Variants in FRMPD2 observed in about 807,000 individuals in gnomAD.
FRMPD2 encodes FERM and PDZ domain containing 2.
FRMPD2 carries 96 observed loss-of-function variants against 140.1 expected under a neutral mutation model. The observed-to-expected ratio is 0.69, with a 90% CI of 0.58 to 0.81. FRMPD2 has a LOEUF of 0.81. Among genes scored for constraint, FRMPD2 ranks in the 40% least tolerant of loss-of-function variants. The probability of loss-of-function intolerance (pLI) is 0.00; values close to 1 mark genes in which losing one functional copy is unlikely to be tolerated. For missense variants in FRMPD2, 1,240 were observed against 1,447.4 expected (o/e 0.86, Z 2.32); for synonymous variants, 449 against 547.6 (o/e 0.82, Z 2.52).
rs1840315955 is a variant in FRMPD2, at chr10:48,249,017, T to G, written c.309+4A>C. ...AGAAGTTGCAGAGTAGCTGCACAGC[T>G]TACCTGAGATGCATCAGGCTGCTCA... On this transcript the variant is annotated splice_donor_region_variant and intron_variant, in intron 3 of 28. Transcript: ENST00000374201. 1 of 1,607,354 alleles carries G rather than the reference T, an allele frequency of 6.2e-7. No homozygotes were observed. The highest frequency in any genetic ancestry group is 8.5e-7 in the Non-Finnish European group (1 of 1,176,326).
At position 48,223,277 on chromosome 10, in the gene FRMPD2, T is replaced by G; in HGVS notation, c.1169-7A>C. On this transcript the variant is annotated splice_region_variant and splice_polypyrimidine_tract_variant and intron_variant, in intron 10 of 28. Transcript: ENST00000374201. Reference sequence around the variant, plus strand: ...AGGAAAAAGAACTCTTTGCCTGAAATGGAAATAGAGCATGTGTGGAAGGAG... The same window carrying G: ...AGGAAAAAGAACTCTTTGCCTGAAAGGGAAATAGAGCATGTGTGGAAGGAG... 6.2e-7 allele frequency: 1 copy of G among 1,610,570 alleles called. No individual in the cohort carries two copies. Among genetic ancestry groups the G allele is most frequent in the South Asian group, 1.1e-5 (1 of 90,692 alleles).
Position 48,206,756 on chromosome 10 carries a change from A to T in FRMPD2, c.1789T>A (p.Ser597Thr). 6.2e-7 allele frequency: 1 copy of T among 1,613,774 alleles called. No individual in the cohort carries two copies. Among genetic ancestry groups the T allele is most frequent in the Non-Finnish European group, 8.5e-7 (1 of 1,179,686 alleles). ...AACTGAGCTACACTCACATAAGTAGAAATCTTCCCGGTTTCTCTCCACTGA... is the reference window on the plus strand; with the variant it reads ...AACTGAGCTACACTCACATAAGTAGTAATCTTCCCGGTTTCTCTCCACTGA... The part of the protein sequence containing the change: ...RFQWRETGKI[S>T]TYQKKFTITS... Residue 597 changes from serine (S) to threonine (T), a missense_variant, in exon 14 of 29, where the codon TCT becomes ACT. Transcript: ENST00000374201.
chr10:48,181,679 T>A (rs1009300806), intron 20 of FRMPD2, among the ~76,000 whole-genome samples: 2 of 151,862 alleles, frequency 1.3e-5, no homozygotes, highest in Non-Finnish European at 2.9e-5. Flanking sequence ...AGAAAAACCT[T>A]GGGCAAGGTG....
chr10:48,180,174 C>A (rs1446611872), intron 21 of FRMPD2, among the ~76,000 whole-genome samples: 1 of 152,152 alleles, frequency 6.6e-6, no homozygotes, highest in Non-Finnish European at 1.5e-5. Flanking sequence ...TTCGACTGGG[C>A]AGAACCAAGC....
intron 18 of FRMPD2, 149 bp downstream of exon 18, chr10:48,185,404 A>G (rs900305125): frequency 1.6e-6 from 1 of 620,186 alleles, no homozygotes; most frequent in Non-Finnish European, 2.9e-6. Flanking sequence ...TTAAAGGGAG[A>G]AAAAAAACAG....
At chr10:48,249,390 C>T (rs930434345) in intron 2 of FRMPD2, among the ~76,000 whole-genome samples, 7 of 152,256 alleles carry the variant, frequency 4.6e-5, no homozygotes, top group Admixed American at 3.9e-4. Flanking sequence ...GAAGTTAGCA[C>T]CTGCACCTAA....
rs758390268 is a variant in FRMPD2, at chr10:48,192,796, C to G, written c.2053G>C (p.Glu685Gln). Reference sequence around the variant, plus strand: ...CCCTGAAGCCTGGATACAAACAACTCGTTTTCTGAGCATGACAATCTCTGA... The same window carrying G: ...CCCTGAAGCCTGGATACAAACAACTGGTTTTCTGAGCATGACAATCTCTGA... Reference protein sequence around the residue: ...WIQRLSCSENELFVSRLQGAA... With the variant: ...WIQRLSCSENQLFVSRLQGAA... Residue 685 changes from glutamate to glutamine, a missense_variant, in exon 16 of 29, where the codon GAG (glutamate) becomes CAG (glutamine). This residue lies in a region of FRMPD2 where 1,161 missense variants were observed against 1,055.9 expected (regional missense o/e 1.10). Coordinates refer to ENST00000374201, the MANE Select transcript of FRMPD2 (RefSeq NM_001018071.4). The G allele has an allele frequency of 6.2e-7, 1 of 1,614,054 alleles. No homozygotes were observed. Among genetic ancestry groups the G allele is most frequent in the East Asian group, 2.2e-5 (1 of 44,876 alleles).
At position 48,260,146 on chromosome 10, in the gene FRMPD2, AATAGATAGATAGATTG is replaced by A. The variant is rs1840557359; in HGVS notation, c.26-8471_26-8456del. On this transcript the variant is annotated intron_variant, in intron 1 of 28. Transcript: ENST00000374201. The stretch of plus-strand genomic sequence containing the variant: ...AACATTTAAGGTAATAATGGCTAAG[AATAGATAGATAGATTG>A]ATAGATAGATAGATCTATATATATA... Among the ~76,000 whole-genome samples, 4 of 152,214 alleles carry A rather than the reference AATAGATAGATAGATTG, an allele frequency of 2.6e-5. No homozygotes were observed. The South Asian group carries it at 6.2e-4, about 24-fold the overall frequency.
intron 14 of FRMPD2, among the ~76,000 whole-genome samples, chr10:48,206,268 G>T (rs779804659): frequency 6.6e-6 from 1 of 152,152 alleles, no homozygotes; most frequent in Non-Finnish European, 1.5e-5. Context: ...GTGTCCCGTA[G>T]CACACCTGTA....
chr10:48,175,347 G>C (rs1380492431), intron 23 of FRMPD2, among the ~76,000 whole-genome samples: 2 of 151,988 alleles, frequency 1.3e-5, no homozygotes, highest in Non-Finnish European at 2.9e-5. Flanking sequence ...GTTGACGCTG[G>C]GGACACCAGA....
chr10:48,163,233 A>G (rs1451791657), intron 28 of FRMPD2, 95 bp downstream of exon 28: 16 of 732,072 alleles, frequency 2.2e-5, no homozygotes, highest in Non-Finnish European at 4.0e-5. Context: ...TGGGCACAAA[A>G]TCATCCAAGC....
At chr10:48,209,758 T>C (rs748367930) in intron 13 of FRMPD2, among the ~76,000 whole-genome samples, 1 of 152,240 alleles carries the variant, frequency 6.6e-6, no homozygotes, top group Non-Finnish European at 1.5e-5. Flanking sequence ...ATTCCACTTA[T>C]GAGATTCTAT....
intron 8 of FRMPD2, 43 bp downstream of exon 8, chr10:48,237,948 T>A: frequency 6.2e-7 from 1 of 1,613,280 alleles, no homozygotes; most frequent in African/African-American, 1.3e-5. Flanking sequence ...AGCTCCCTGC[T>A]CAAGCCTCCT....
At chr10:48,268,538 G>A (rs1263512682) in intron 1 of FRMPD2, among the ~76,000 whole-genome samples, 1 of 152,216 alleles carries the variant, frequency 6.6e-6, no homozygotes, top group Non-Finnish European at 1.5e-5. Flanking sequence ...TAAACAAATT[G>A]TGGTATATTC....
Position 48,184,994 on chromosome 10 carries a change from G to A in FRMPD2, c.2360-113C>T, listed in dbSNP as rs993220017. The A allele has an allele frequency of 3.9e-5, 27 of 690,752 alleles. No homozygotes were observed. The East Asian group carries it at 7.1e-4, about 18-fold the overall frequency. The allele number at this position is 690,752 out of a possible 1,614,324, so 42.8% of individuals were successfully genotyped here. The stretch of plus-strand genomic sequence containing the variant: ...AGCTACCAAGTGGCATTAGCTGATA[G>A]TTACAGTCAGGTCTTCTGATCCTCA... On this transcript the variant is annotated intron_variant, in intron 18 of 28. Transcript: ENST00000374201.
intron 1 of FRMPD2, 64 bp from the exon 2 acceptor site, chr10:48,251,755 C>G: frequency 6.3e-7 from 1 of 1,589,258 alleles, no homozygotes; most frequent in Non-Finnish European, 8.6e-7. Flanking sequence ...CGGGCCCGTA[C>G]TCGCCACTCT....
intron 1 of FRMPD2, among the ~76,000 whole-genome samples, chr10:48,253,809 A>G (rs1840436502): frequency 6.6e-6 from 1 of 152,206 alleles, no homozygotes; most frequent in East Asian, 1.9e-4. Flanking sequence ...GTAAAAGACA[A>G]TAAAAATGTA....
intron 16 of FRMPD2, among the ~76,000 whole-genome samples, chr10:48,189,532 G>A (rs1056744852): frequency 3.3e-5 from 5 of 152,204 alleles, no homozygotes; most frequent in Non-Finnish European, 5.9e-5. Context: ...TTAGGCCAGC[G>A]GCATGACCCA....
At chr10:48,242,037 A>G in intron 5 of FRMPD2, 124 bp downstream of exon 5, 1 of 678,676 alleles carries the variant, frequency 1.5e-6, no homozygotes, top group South Asian at 2.8e-5. Context: ...TTGAAATGTG[A>G]CAGATGTGAC....
Sources: allele counts gnomAD v4.1 joint callset (sites outside exome capture counted in the v4.1 genomes callset), GRCh38; gene constraint gnomAD v4.1.1; regional missense constraint gnomAD v4.1.1; transcripts MANE v1.5; gene names NCBI Gene and HGNC (gene_info 2026-07-23, HGNC 2026-07-21).